The following UBE3C variants were observed in gnomAD, a reference collection of about 807,000 sequenced individuals.
UBE3C encodes the protein ubiquitin protein ligase E3C.
UBE3C carries 42 observed loss-of-function variants against 129.4 expected under a neutral mutation model. That is an observed-to-expected ratio of 0.32 (90% confidence interval 0.25 to 0.42). The LOEUF is 0.42. Ranked by LOEUF, UBE3C falls within the 10% of genes least tolerant of loss-of-function variation. The pLI, the probability that UBE3C is intolerant of heterozygous loss-of-function variation, is 1.00. For synonymous variants in UBE3C, 510 were observed against 492.4 expected, an observed-to-expected ratio of 1.04 and a Z score of -0.47; for missense variants, 1,049 against 1,319.1, an observed-to-expected ratio of 0.80 and a Z score of 3.17.
chr7:157,194,578 A>C (rs1809064638), intron 10 of UBE3C, among the ~76,000 whole-genome samples: 1 of 152,238 alleles, frequency 6.6e-6, no homozygotes, highest in Admixed American at 6.5e-5. Context: ...AAAGAAGCCA[A>C]ATTGCCTTAA....
intron 18 of UBE3C, among the ~76,000 whole-genome samples, chr7:157,239,512 A>G (rs751558897): frequency 1.3e-5 from 2 of 152,266 alleles, no homozygotes; most frequent in African/African-American, 2.4e-5. Context: ...GTGCTTTTCC[A>G]TAAGTGTGTT....
At chr7:157,153,922 G>A (rs74958275) in intron 1 of UBE3C, among the ~76,000 whole-genome samples, 14,969 of 152,120 alleles carry the variant, frequency 0.098, 832 homozygotes, top group African/African-American at 0.13. Flanking sequence ...GGTGGGGCGG[G>A]GGCGAGGTTG....
chr7:157,247,222 A>G (rs1270602078), intron 18 of UBE3C, among the ~76,000 whole-genome samples: 2 of 152,194 alleles, frequency 1.3e-5, no homozygotes, highest in African/African-American at 4.8e-5. Context: ...GCTTTTGTAG[A>G]GGAAATTGAG....
At chr7:157,260,569 G>A (rs971590936) in intron 22 of UBE3C, among the ~76,000 whole-genome samples, 30 of 152,220 alleles carry the variant, frequency 2.0e-4, no homozygotes, top group Non-Finnish European at 4.1e-4. Flanking sequence ...ACTTTTTATC[G>A]GTAAAGATTT....
chr7:157,192,941 C>G, intron 10 of UBE3C: 3 of 628,620 alleles, frequency 4.8e-6, no homozygotes, highest in African/African-American at 3.7e-5. Context: ...TTAATTTAAA[C>G]TGTAGCATGA....
intron 18 of UBE3C, among the ~76,000 whole-genome samples, chr7:157,240,729 A>G (rs1372895336): frequency 6.6e-6 from 1 of 152,138 alleles, no homozygotes; most frequent in African/African-American, 2.4e-5. Flanking sequence ...ACAGGAGAGG[A>G]GACCTGTGGA....
At chr7:157,209,081 T>C (rs1422035616) in intron 13 of UBE3C, among the ~76,000 whole-genome samples, 2 of 152,218 alleles carry the variant, frequency 1.3e-5, no homozygotes, top group Non-Finnish European at 2.9e-5. Context: ...TGTATTAATA[T>C]TGCTAATGGA....
intron 18 of UBE3C, among the ~76,000 whole-genome samples, chr7:157,237,269 A>G (rs995521754): frequency 4.6e-5 from 7 of 151,558 alleles, no homozygotes; most frequent in African/African-American, 9.7e-5. Context: ...GTGAAACCCC[A>G]TCTCTACTAA....
intron 9 of UBE3C, among the ~76,000 whole-genome samples, chr7:157,186,042 A>T (rs770712298): frequency 6.6e-6 from 1 of 152,204 alleles, no homozygotes; most frequent in South Asian, 2.1e-4. Context: ...AGTAAATTGC[A>T]TAGATTGGCT....
At chr7:157,233,357 C>T (rs1279779358) in intron 18 of UBE3C, among the ~76,000 whole-genome samples, 1 of 151,892 alleles carries the variant, frequency 6.6e-6, no homozygotes, top group Non-Finnish European at 1.5e-5. Context: ...CTGCTACAAA[C>T]ACGGCTCAGT....
intron 11 of UBE3C, 138 bp downstream of exon 11, chr7:157,201,945 C>G: frequency 1.5e-6 from 1 of 660,636 alleles, no homozygotes; most frequent in Non-Finnish European, 2.6e-6. Flanking sequence ...TCCAGATGGT[C>G]TCAGTTGCAC....
chr7:157,169,646 G>A lies in UBE3C; in HGVS notation c.195+524G>A, dbSNP rs572374369. Among the ~76,000 whole-genome samples the A allele has an allele frequency of 1.2e-3, 183 of 152,246 alleles. 1 individual carries two copies. Among genetic ancestry groups the A allele is most frequent in the Middle Eastern group, 3.4e-3 (1 of 294 alleles). On this transcript the variant is annotated intron_variant, in intron 3 of 22. Coordinates refer to ENST00000348165, the MANE Select transcript of UBE3C (RefSeq NM_014671.3). ...CTGCCTTGGCCTCCCAAAGTGCTGGGATTACAAGCATAAGCCACTGCGCCT... is the reference window on the plus strand; with the variant it reads ...CTGCCTTGGCCTCCCAAAGTGCTGGAATTACAAGCATAAGCCACTGCGCCT...
chr7:157,259,249 G>A (rs944167042), intron 22 of UBE3C, among the ~76,000 whole-genome samples: 2 of 152,248 alleles, frequency 1.3e-5, no homozygotes, highest in African/African-American at 2.4e-5. Context: ...TGTTAGGCCG[G>A]TTGTCCCTTC....
intron 22 of UBE3C, among the ~76,000 whole-genome samples, chr7:157,257,635 G>T (rs1407609399): frequency 6.6e-6 from 1 of 151,152 alleles, no homozygotes; most frequent in Non-Finnish European, 1.5e-5. Context: ...TACTTGGGAG[G>T]CTGAGGCACG....
intron 22 of UBE3C, among the ~76,000 whole-genome samples, chr7:157,265,906 A>T (rs947191193): frequency 6.6e-6 from 1 of 152,172 alleles, no homozygotes; most frequent in Non-Finnish European, 1.5e-5. Context: ...TTCCCTGATC[A>T]TCTTTCTTTT....
chr7:157,237,537 T>A (rs1052802087), intron 18 of UBE3C, among the ~76,000 whole-genome samples: 1 of 152,212 alleles, frequency 6.6e-6, no homozygotes, highest in Non-Finnish European at 1.5e-5. Flanking sequence ...ATTGAGTTAT[T>A]CCTTCCTTTT....
chr7:157,176,198 G>A (rs1055825729), intron 5 of UBE3C, among the ~76,000 whole-genome samples: 1 of 152,138 alleles, frequency 6.6e-6, no homozygotes, highest in East Asian at 1.9e-4. Context: ...GGAGTTCGAG[G>A]CTGCAGTGAG....
At chr7:157,182,766 G>T (rs570477855) in intron 8 of UBE3C, among the ~76,000 whole-genome samples, 3 of 151,656 alleles carry the variant, frequency 2.0e-5, no homozygotes, top group African/African-American at 7.3e-5. Flanking sequence ...GGTGCGGGGG[G>T]GTATATAGAG....
At chr7:157,177,829 G>A (rs1315110353) in intron 5 of UBE3C, among the ~76,000 whole-genome samples, 2 of 152,178 alleles carry the variant, frequency 1.3e-5, no homozygotes, top group East Asian at 3.9e-4. Flanking sequence ...CTCCTGGCAG[G>A]GCAGAAGGCT....
Sources: gnomAD v4.1 joint callset for allele counts (sites outside exome capture counted in the v4.1 genomes callset) on GRCh38, gnomAD v4.1.1 for gene constraint, MANE v1.5 for transcripts, NCBI Gene and HGNC (gene_info 2026-07-23, HGNC 2026-07-21) for gene names.